The following MFNG variants were observed in gnomAD, a reference collection of about 807,000 sequenced individuals.
The protein encoded by MFNG is MFNG O-fucosylpeptide 3-beta-N-acetylglucosaminyltransferase, also known as beta-1,3-N-acetylglucosaminyltransferase manic fringe.
Under a neutral mutation model 34.2 loss-of-function variants are expected in MFNG, and 24 were observed. The observed-to-expected ratio is 0.70, with a 90% CI of 0.51 to 0.99. The LOEUF (loss-of-function observed/expected upper bound fraction) is 0.99. Among genes scored for constraint, MFNG ranks in the 50% least tolerant of loss-of-function variants. The pLI is 0.00. For synonymous variants in MFNG, 158 were observed against 179.2 expected (o/e 0.88, Z 0.94); for missense variants, 383 against 424.0 (o/e 0.90, Z 0.85).
In MFNG at chr22:37,480,832, C is replaced by T; in HGVS notation, c.256-63G>A. ...CCAAGGGACACCCCAGACCAATCCA[C>T]AGCCCACCACCACCAGGCCCCAGAT... On this transcript the variant is annotated intron_variant, in intron 1 of 7. Coordinates refer to ENST00000356998, the MANE Select transcript of MFNG (RefSeq NM_002405.4). 4 of 1,441,392 alleles carry T rather than the reference C, an allele frequency of 2.8e-6. No individual in the cohort carries two copies. The South Asian group carries it at 3.6e-5, about 13-fold the overall frequency. The allele number at this position is 1,441,392 out of a possible 1,614,324, so 89.3% of individuals were successfully genotyped here.
At chr22:37,470,064 C>T in intron 7 of MFNG, 35 bp from the exon 8 acceptor site, 1 of 1,517,508 alleles carries the variant, frequency 6.6e-7, no homozygotes, top group Non-Finnish European at 9.0e-7. Context: ...GGATGGTCAC[C>T]CCCCACTTCT....
intron 7 of MFNG, among the ~76,000 whole-genome samples, chr22:37,471,660 G>A (rs995750083): frequency 3.3e-5 from 5 of 151,894 alleles, no homozygotes; most frequent in African/African-American, 4.8e-5. Flanking sequence ...GTGAAACCCC[G>A]CCTCCACTAA....
chr22:37,485,235 C>T lies in MFNG; in HGVS notation c.255+688G>A, dbSNP rs1413308011. Among the ~76,000 whole-genome samples the T allele has an allele frequency of 1.3e-5, 2 of 152,174 alleles. No homozygotes were observed. On this transcript the variant is annotated intron_variant, in intron 1 of 7. Transcript: ENST00000356998. The surrounding 1 kb of genome is among the most constrained non-coding windows in gnomAD (Gnocchi z 5.3). ...CACGTGCCAGGCAGGCCTCCCCAAC[C>T]TCCGGCCCACCACTGCCTCAGCCGC...
At chr22:37,470,052 C>T in intron 7 of MFNG, 23 bp from the exon 8 acceptor site, 2 of 1,564,934 alleles carry the variant, frequency 1.3e-6, no homozygotes, top group Non-Finnish European at 1.7e-6. Context: ...CAGAAAAGGA[C>T]AGGATGGTCA....
chr22:37,480,606 C>G, intron 2 of MFNG, 115 bp downstream of exon 2: 2 of 1,005,650 alleles, frequency 2.0e-6, no homozygotes, highest in Non-Finnish European at 3.0e-6. Flanking sequence ...GGAATCTCCA[C>G]ATGCCAAGGG....
intron 5 of MFNG, among the ~76,000 whole-genome samples, chr22:37,475,174 G>A (rs529587759): frequency 7.2e-5 from 11 of 152,228 alleles, no homozygotes; most frequent in African/African-American, 2.2e-4. Flanking sequence ...AGAATCAGGC[G>A]GGCTTTCCAG....
Position 37,480,745 on chromosome 22 carries a change from C to T in MFNG, c.280G>A (p.Asp94Asn). The T allele has an allele frequency of 6.2e-7, 1 of 1,613,762 alleles. No individual in the cohort carries two copies. The highest frequency in any genetic ancestry group is 8.5e-7 in the Non-Finnish European group (1 of 1,179,878). Reference protein sequence around the residue: ...EQTFVFTDSPDKGLQERLGSH... With the variant: ...EQTFVFTDSPNKGLQERLGSH... ...CCCAGTCTCTCCTGGAGGCCTTTGT[C>T]TGGGCTGTCGGTGAAGACAAATGTC... is the stretch of plus-strand genomic sequence containing the variant. Residue 94 changes from aspartate (D) to asparagine (N), a missense_variant, in exon 2 of 8, where the codon GAC becomes AAC. Coordinates refer to ENST00000356998, the MANE Select transcript of MFNG (RefSeq NM_002405.4).
intron 6 of MFNG, among the ~76,000 whole-genome samples, chr22:37,473,201 G>A (rs565228212): frequency 3.3e-5 from 5 of 152,238 alleles, no homozygotes; most frequent in Non-Finnish European, 7.4e-5. Flanking sequence ...ACTTTGGAAG[G>A]CTGAGGCAGG....
intron 5 of MFNG, among the ~76,000 whole-genome samples, chr22:37,476,582 G>A (rs1238314211): frequency 6.6e-6 from 1 of 152,116 alleles, no homozygotes. Flanking sequence ...GGCCAGCCCA[G>A]ACATTTTCTC....
rs939439769 is a variant in MFNG, at chr22:37,482,443, G to GCA, written c.256-1676_256-1675dup. On this transcript the variant is annotated intron_variant, in intron 1 of 7. Transcript: ENST00000356998. This position sits in a 1 kb window ranked among gnomAD's most constrained non-coding sequence, Gnocchi z 4.1. ...GTCTCTCTCTCTCACACACACACAC[G>GCA]CACACACACGCACGCATACACACAC... Among the ~76,000 whole-genome samples the GCA allele has an allele frequency of 2.0e-5, 3 of 149,816 alleles. No homozygotes were observed. Among genetic ancestry groups the GCA allele is most frequent in the Non-Finnish European group, 3.0e-5 (2 of 67,306 alleles).
chr22:37,480,882 G>A (rs2145736066), intron 1 of MFNG, 113 bp from the exon 2 acceptor site: 2 of 872,076 alleles, frequency 2.3e-6, no homozygotes, highest in Middle Eastern at 2.2e-4. Context: ...TCCAGTGACA[G>A]ACACACCCCT....
chr22:37,480,645 G>T, intron 2 of MFNG, 76 bp downstream of exon 2: 1 of 1,426,260 alleles, frequency 7.0e-7, no homozygotes, highest in Non-Finnish European at 9.8e-7. Flanking sequence ...GGAACCCTCA[G>T]GCCAGGGCAC....
At chr22:37,473,507 C>T (rs1337020203) in intron 6 of MFNG, among the ~76,000 whole-genome samples, 3 of 151,982 alleles carry the variant, frequency 2.0e-5, no homozygotes, top group Non-Finnish European at 2.9e-5. Flanking sequence ...ATTAGGATGC[C>T]CTGGTTTGGG....
chr22:37,480,185 A>G lies in MFNG; in HGVS notation c.407+12T>C, dbSNP rs370965608. 1 of 1,596,152 alleles carries G rather than the reference A, an allele frequency of 6.3e-7. No homozygotes were observed. Among genetic ancestry groups the G allele is most frequent in the Middle Eastern group, 1.7e-4 (1 of 5,990 alleles). ...AGACCACACTTATCCCCAGAGACCC[A>G]GGAACACTCGCCTAAGCCCACTGGC... On this transcript the variant is annotated intron_variant, in intron 3 of 7. Coordinates refer to ENST00000356998, the MANE Select transcript of MFNG (RefSeq NM_002405.4).
Position 37,472,799 on chromosome 22 carries a change from T to G in MFNG, c.814-271A>C, listed in dbSNP as rs548670656. On this transcript the variant is annotated intron_variant, in intron 6 of 7. Transcript: ENST00000356998. ...TACCCCCATCTACAGATTTGGAAAC[T>G]GAGGCTCAACAGGAAAAGGCAGCTT... 5 of 336,584 alleles carry G rather than the reference T, an allele frequency of 1.5e-5. No individual in the cohort carries two copies. The South Asian group carries it at 2.7e-4, about 18-fold the overall frequency. The allele number at this position is 336,584 out of a possible 1,614,324, so 20.8% of individuals were successfully genotyped here.
intron 3 of MFNG, among the ~76,000 whole-genome samples, 163 bp from the exon 4 acceptor site, chr22:37,479,661 A>C (rs888328023): frequency 1.3e-5 from 2 of 152,138 alleles, no homozygotes; most frequent in Non-Finnish European, 2.9e-5. Context: ...GTGTAAGCTC[A>C]TGAGGAGGGT....
chr22:37,480,305 G>A lies in MFNG; in HGVS notation c.305-6C>T. The A allele has an allele frequency of 6.2e-7, 1 of 1,612,110 alleles. No individual in the cohort carries two copies. The highest frequency in any genetic ancestry group is 8.5e-7 in the Non-Finnish European group (1 of 1,178,312). ...GGTGACCACAAGGTGGGACCCTGGA[G>A]AAGTGAGGAGGAGTCAGGGGACCCT... On this transcript the variant is annotated splice_region_variant and splice_polypyrimidine_tract_variant and intron_variant, in intron 2 of 7. Transcript: ENST00000356998.
intron 5 of MFNG, 131 bp downstream of exon 5, chr22:37,476,763 CTG>C (rs1922060789): frequency 2.6e-6 from 2 of 758,550 alleles, no homozygotes; most frequent in Non-Finnish European, 4.4e-6. Flanking sequence ...AACTGCCGCT[CTG>C]TGACACACGC....
rs1921696430 is a variant in MFNG, at chr22:37,469,187, A to G, written c.*776T>C. 1 of 153,114 alleles carries G rather than the reference A, an allele frequency of 6.5e-6. No individual in the cohort carries two copies. Among genetic ancestry groups the G allele is most frequent in the Admixed American group, 6.5e-5 (1 of 15,302 alleles). 9.5% of individuals were successfully genotyped at this position (153,114 alleles called of 1,614,324 possible). ...TGGCTGCCCCAGATCCAGCCATCAC[A>G]CCCACATTTATAGCAGGAAGATGGG... On this transcript the variant is annotated 3_prime_UTR_variant, in exon 8 of 8. Coordinates refer to ENST00000356998, the MANE Select transcript of MFNG (RefSeq NM_002405.4).
Sources: allele counts gnomAD v4.1 joint callset (sites outside exome capture counted in the v4.1 genomes callset), GRCh38; gene constraint gnomAD v4.1.1; non-coding constraint Gnocchi (gnomAD v3.1); transcripts MANE v1.5; gene names NCBI Gene and HGNC (gene_info 2026-07-23, HGNC 2026-07-21).